Variants in CHN2 observed in about 807,000 individuals in gnomAD.
CHN2 encodes the protein chimerin 2.
CHN2 carries 35 observed loss-of-function variants against 56.3 expected under a neutral mutation model. The ratio of observed to expected loss-of-function variants is 0.62; its 90% CI spans 0.47 to 0.82. The LOEUF (loss-of-function observed/expected upper bound fraction) is 0.82. Ranked by LOEUF, CHN2 falls within the 40% of genes least tolerant of loss-of-function variation. The probability of loss-of-function intolerance (pLI) is 0.00; values close to 1 mark genes in which losing one functional copy is unlikely to be tolerated. For synonymous variants in CHN2, 210 were observed against 212.8 expected, an observed-to-expected ratio of 0.99 and a Z score of 0.12; for missense variants, 491 against 580.5, an observed-to-expected ratio of 0.85 and a Z score of 1.58.
intron 2 of CHN2, among the ~76,000 whole-genome samples, chr7:29,157,434 A>G (rs367723381): frequency 5.5e-5 from 7 of 127,614 alleles, no homozygotes; most frequent in East Asian, 4.9e-4. Context: ...AAATGGCGTT[A>G]TCTCAGTCAC....
chr7:29,354,658 C>G lies in CHN2; in HGVS notation c.83C>G (p.Ser28Ter), dbSNP rs1386118522. 6.2e-7 allele frequency: 1 copy of G among 1,611,506 alleles called. No individual in the cohort carries two copies. Among genetic ancestry groups the G allele is most frequent in the Non-Finnish European group, 8.5e-7 (1 of 1,178,942 alleles). The change falls in exon 2 of 13, where the codon TCA becomes TGA. Residue 28 changes from serine to a stop codon, truncating the protein, a stop_gained. Transcript: ENST00000222792. LOFTEE classifies it high-confidence loss of function. ...GAATACCAGCCTCCTATATGGAAAT[C>G]ATACTGTGAGTACCTGAAATGAAAA... ...AEEYQPPIWK[S>*]YLYQLQQEAP...
At chr7:29,339,283 G>T (rs1249073835) in intron 1 of CHN2, among the ~76,000 whole-genome samples, 1 of 151,744 alleles carries the variant, frequency 6.6e-6, no homozygotes, top group East Asian at 1.9e-4. Context: ...TATGTAAAAG[G>T]ATATAAGTGA....
At chr7:29,220,905 G>A (rs2060611162) in intron 1 of CHN2, among the ~76,000 whole-genome samples, 1 of 152,068 alleles carries the variant, frequency 6.6e-6, no homozygotes, top group South Asian at 2.1e-4. Context: ...TCAAGTTCAG[G>A]GATATGTAAA....
intron 1 of CHN2, among the ~76,000 whole-genome samples, chr7:29,220,257 G>T (rs1023042317): frequency 7.1e-6 from 1 of 141,416 alleles, no homozygotes; most frequent in African/African-American, 2.8e-5. Context: ...GCCACAGAGG[G>T]AGACCCTGTC....
In CHN2 at chr7:29,504,670, C is replaced by T. The variant is rs546364878; in HGVS notation, c.914-74C>T. 213 of 965,930 alleles carry T rather than the reference C, an allele frequency of 2.2e-4. 2 individuals are homozygous for T. Among genetic ancestry groups the T allele is most frequent in the South Asian group, 2.2e-3 (155 of 70,890 alleles). 59.8% of individuals were successfully genotyped at this position (965,930 alleles called of 1,614,324 possible). On this transcript the variant is annotated intron_variant, in intron 9 of 12. Coordinates refer to ENST00000222792, the MANE Select transcript of CHN2 (RefSeq NM_004067.4). ...ATTTTCTGATAGCATGTAGTATAGA[C>T]GTGAAATTAGTCTTTTTTTTTTTTT...
intron 6 of CHN2, among the ~76,000 whole-genome samples, chr7:29,456,630 C>CCACCAA (rs145624496): frequency 0.029 from 4,197 of 143,490 alleles, 99 homozygotes; most frequent in East Asian, 0.13. Flanking sequence ...CCCACCACCA[C>CCACCAA]CACCAACACC....
At chr7:29,421,449 G>A (rs1321729958) in intron 6 of CHN2, among the ~76,000 whole-genome samples, 1 of 152,202 alleles carries the variant, frequency 6.6e-6, no homozygotes, top group African/African-American at 2.4e-5. Context: ...ACAGAGGAAT[G>A]TGAGGCTACT....
At chr7:29,364,978 T>C (rs929449936) in intron 2 of CHN2, among the ~76,000 whole-genome samples, 7 of 152,336 alleles carry the variant, frequency 4.6e-5, no homozygotes, top group East Asian at 1.9e-4. Flanking sequence ...GTGTACTCTA[T>C]GTATTTTTGG....
chr7:29,259,520 T>A (rs915699509), intron 1 of CHN2, among the ~76,000 whole-genome samples: 1 of 152,098 alleles, frequency 6.6e-6, no homozygotes. Flanking sequence ...ATTCATTATA[T>A]ATTCACTATA....
In CHN2 at chr7:29,154,967, C is replaced by T. The variant is rs572108771; in HGVS notation, c.274+8007C>T. 2.6e-5 allele frequency among the ~76,000 whole-genome samples: 4 copies of T among 152,312 alleles called. No individual in the cohort carries two copies. The East Asian group carries it at 7.7e-4, about 29-fold the overall frequency. ...AATCATGGTGGAAGACAAGGAGGAG[C>T]AAGTCACATCTTACATGGATGGTGG... is the stretch of plus-strand genomic sequence containing the variant. On this transcript the variant is annotated intron_variant, in intron 2 of 6. Coordinates refer to the CHN2 transcript ENST00000439384.
chr7:29,408,792 G>A (rs1248633201), intron 6 of CHN2, among the ~76,000 whole-genome samples: 2 of 152,186 alleles, frequency 1.3e-5, no homozygotes, highest in Non-Finnish European at 2.9e-5. Flanking sequence ...TTTTCAAAGA[G>A]GAACGGAAGA....
At chr7:29,426,962 C>T (rs927299323) in intron 6 of CHN2, among the ~76,000 whole-genome samples, 3 of 152,182 alleles carry the variant, frequency 2.0e-5, no homozygotes, top group African/African-American at 7.2e-5. Context: ...TTTTCACACT[C>T]TTAATCTCTC....
chr7:29,318,902 G>A (rs186389533), intron 1 of CHN2, among the ~76,000 whole-genome samples: 1 of 152,294 alleles, frequency 6.6e-6, no homozygotes, highest in East Asian at 1.9e-4. Flanking sequence ...TGTTTAGCTT[G>A]ACTCTTATGG....
At chr7:29,283,093 G>T (rs1791850800) in intron 1 of CHN2, among the ~76,000 whole-genome samples, 1 of 152,208 alleles carries the variant, frequency 6.6e-6, no homozygotes, top group South Asian at 2.1e-4. Flanking sequence ...TGCTGCTTCT[G>T]CCTGAGAGTG....
intron 1 of CHN2, among the ~76,000 whole-genome samples, chr7:29,196,722 T>C (rs964238454): frequency 4.6e-5 from 7 of 152,220 alleles, no homozygotes; most frequent in Non-Finnish European, 7.3e-5. Context: ...GATCTTGATG[T>C]AGCTTAAGAA....
chr7:29,355,107 T>A lies in CHN2; in HGVS notation c.88+444T>A, dbSNP rs188526080. Among the ~76,000 whole-genome samples the A allele has an allele frequency of 3.7e-3, 560 of 152,036 alleles. 2 individuals carry two copies. The highest frequency in any genetic ancestry group is 0.013 in the African/African-American group (531 of 41,478). On this transcript the variant is annotated intron_variant, in intron 2 of 12. Coordinates refer to ENST00000222792, the MANE Select transcript of CHN2 (RefSeq NM_004067.4). ...CCTCAGCCTCCCAAGTAGCTGAGAT[T>A]ACAGGCATGCGCCACCATGCCCGGC...
chr7:29,213,116 G>A, intron 1 of CHN2: 1 of 1,589,614 alleles, frequency 6.3e-7, no homozygotes, highest in Non-Finnish European at 8.6e-7. Flanking sequence ...GCAGGGGAAG[G>A]CCTTAATGTA....
At chr7:29,443,395 G>A (rs566727112) in intron 6 of CHN2, among the ~76,000 whole-genome samples, 1 of 152,280 alleles carries the variant, frequency 6.6e-6, no homozygotes, top group South Asian at 2.1e-4. Context: ...TGCCATCTAG[G>A]TTTGTGTAAG....
At position 29,354,480 on chromosome 7, in the gene CHN2, G is replaced by A. The variant is rs77420863; in HGVS notation, c.50-145G>A. The stretch of plus-strand genomic sequence containing the variant: ...CATGCACATCCCCTCCCCTGTGTCT[G>A]GAACTGCTCCCTAAATGAGAAGAGA... On this transcript the variant is annotated intron_variant, in intron 1 of 12. Transcript: ENST00000222792. The A allele has an allele frequency of 4.8e-4, 338 of 705,526 alleles. No individual in the cohort carries two copies. The African/African-American group carries it at 5.3e-3, about 11-fold the overall frequency. The allele number at this position is 705,526 out of a possible 1,614,324, so 43.7% of individuals were successfully genotyped here. A position where few individuals can be genotyped will look rare whatever the true frequency, so the allele number is the denominator to read the frequency against.
Sources: allele counts gnomAD v4.1 joint callset (sites outside exome capture counted in the v4.1 genomes callset), GRCh38; gene constraint gnomAD v4.1.1; transcripts MANE v1.5; gene names NCBI Gene and HGNC (gene_info 2026-07-23, HGNC 2026-07-21).